The following KDM6B variants were observed in gnomAD, a reference collection of about 807,000 sequenced individuals.
KDM6B encodes lysine-specific demethylase 6B.
In KDM6B, 22 loss-of-function variants were observed where a neutral mutation model predicts 150.4. The ratio of observed to expected loss-of-function variants is 0.15; its 90% CI spans 0.10 to 0.21. The LOEUF is 0.21. Among genes scored for constraint, KDM6B ranks in the 10% least tolerant of loss-of-function variants. The pLI is 1.00. For missense variants in KDM6B, 1,984 were observed against 2,234.3 expected (o/e 0.89, Z 2.26); for synonymous variants, 1,148 against 921.1 (o/e 1.25, Z -4.46).
chr17:7,848,636 A>G lies in KDM6B; in HGVS notation c.2348A>G (p.Lys783Arg). Residue 783 changes from lysine to arginine, a missense_variant, in exon 12 of 24, where the codon AAG becomes AGG. Transcript: ENST00000448097. ...PALPPPPPLA[K>R]FPPPSQPQPP... is the part of the protein sequence containing the mutation. ...CTACCACCACCACCGCCTCTAGCCA[A>G]GTTCCCTCCACCCTCTCAGCCACAG... The G allele has an allele frequency of 6.2e-7, 1 of 1,600,032 alleles. No individual in the cohort carries two copies. The highest frequency in any genetic ancestry group is 8.5e-7 in the Non-Finnish European group (1 of 1,173,944).
rs756688051 is a variant in KDM6B at position 7,853,042 on chromosome 17, C to T, written c.4653C>T (p.Arg1551=). Residue 1551 remains arginine (R), a synonymous_variant, in exon 22 of 24, where the codon CGC becomes CGT. Transcript: ENST00000448097. ...LQSMKHCQVQ[R]ESLVRAGKKI... ...CCATGAAGCACTGCCAGGTGCAACGCGAGAGCCTGGTGCGGGCAGGGAAGA... is the reference window on the plus strand; with the variant it reads ...CCATGAAGCACTGCCAGGTGCAACGTGAGAGCCTGGTGCGGGCAGGGAAGA... 18 of 1,613,952 alleles carry T rather than the reference C, an allele frequency of 1.1e-5. No individual in the cohort carries two copies. Among genetic ancestry groups the T allele is most frequent in the Non-Finnish European group, 1.5e-5 (18 of 1,180,038 alleles).
At chr17:7,841,914 A>G (rs1009733695) in intron 2 of KDM6B, among the ~76,000 whole-genome samples, 8 of 152,178 alleles carry the variant, frequency 5.3e-5, no homozygotes, top group Non-Finnish European at 1.0e-4. Context: ...CCCCCAGGTA[A>G]GAAGCGAGCG....
chr17:7,849,736 G>A lies in KDM6B; in HGVS notation c.3440+8G>A, dbSNP rs143261559. 781 of 1,612,382 alleles carry A rather than the reference G, an allele frequency of 4.8e-4. 7 individuals carry two copies. In the African/African-American group the frequency reaches 8.9e-3, roughly 18 times the overall value. On this transcript the variant is annotated splice_region_variant and intron_variant, in intron 12 of 23. Transcript: ENST00000448097. Reference sequence around the variant, plus strand: ...CGTCGTGCGCGCCAGCAGGTGAGTCGGCTGCCTGCTTGCTTGTCCCGGAGA... The same window carrying A: ...CGTCGTGCGCGCCAGCAGGTGAGTCAGCTGCCTGCTTGCTTGTCCCGGAGA...
At chr17:7,845,755 T>G in intron 5 of KDM6B, 64 bp downstream of exon 5, 1 of 1,611,128 alleles carries the variant, frequency 6.2e-7, no homozygotes, top group South Asian at 1.1e-5. Flanking sequence ...CCTCAATCTG[T>G]GTCATTCTCC....
chr17:7,852,077 C>G lies in KDM6B; in HGVS notation c.4280+12C>G, dbSNP rs1185364925. The G allele has an allele frequency of 1.2e-5, 19 of 1,613,814 alleles. No homozygotes were observed. The highest frequency in any genetic ancestry group is 1.5e-5 in the Non-Finnish European group (18 of 1,179,834). ...GCTTTCTGTGATCGGTGCGTGCCGT[C>G]CTGCGCAAGTCAGACTGCCGCGTCC... On this transcript the variant is annotated intron_variant, in intron 19 of 23. Transcript: ENST00000448097.
In KDM6B at chr17:7,849,494, T is replaced by C; in HGVS notation, c.3206T>C (p.Val1069Ala). ...SAQPTPPSASVPGKKAREEAP... is the reference protein window; with the variant it reads ...SAQPTPPSASAPGKKAREEAP... ...CAGCCCACACCCCCGTCAGCCTCTG[T>C]CCCTGGAAAGAAGGCTCGGGAGGAA... is the stretch of plus-strand genomic sequence containing the variant. Residue 1069 changes from valine (V) to alanine (A), a missense_variant, in exon 12 of 24, where the codon GTC becomes GCC. Physicochemically the swap from Val to Ala is moderately conservative, Grantham distance 64. This residue lies in a region of KDM6B where 1,379 missense variants were observed against 1,275.6 expected (regional missense o/e 1.08). Transcript: ENST00000448097. 2.5e-6 allele frequency: 4 copies of C among 1,612,794 alleles called. No homozygotes were observed. Among genetic ancestry groups the C allele is most frequent in the Non-Finnish European group, 3.4e-6 (4 of 1,179,910 alleles).
At chr17:7,851,921 A>G (rs747953936) in intron 18 of KDM6B, 30 bp from the exon 19 acceptor site, 5 of 1,610,664 alleles carry the variant, frequency 3.1e-6, no homozygotes, top group Admixed American at 3.3e-5. Flanking sequence ...CGACCTGGCC[A>G]GCCATGCCGT....
At chr17:7,850,276 C>T (rs2078665092) in intron 14 of KDM6B, 99 bp downstream of exon 14, 7 of 934,088 alleles carry the variant, frequency 7.5e-6, no homozygotes, top group Admixed American at 6.5e-5. Flanking sequence ...ATGACAGTGG[C>T]CGTGAGGAGT....
At chr17:7,835,489 G>C (rs12937625) in intron 1 of KDM6B, among the ~76,000 whole-genome samples, 147,830 of 151,932 alleles carry the variant, frequency 0.97, 72,063 homozygotes, top group East Asian at 1. Context: ...GCGCAGCGTT[G>C]ACCTCGGCTC....
intron 7 of KDM6B, 27 bp from the exon 8 acceptor site, chr17:7,846,373 C>CGGG: frequency 3.8e-6 from 2 of 520,092 alleles, no homozygotes; most frequent in Non-Finnish European, 7.5e-6. Context: ...TGACATCTGC[C>CGGG]CCTGCCCCGT....
intron 1 of KDM6B, among the ~76,000 whole-genome samples, chr17:7,835,223 T>G (rs546932627): frequency 3.4e-4 from 51 of 151,884 alleles, no homozygotes; most frequent in Non-Finnish European, 6.5e-4. Context: ...CTCTCCCGGC[T>G]GGGGTAAATA....
Position 7,852,550 on chromosome 17 carries a change from C to T in KDM6B, c.4524C>T (p.Val1508=), listed in dbSNP as rs774204081. ...ERYEWNEVKN[V]KSIVPMIHVS... is the part of the protein sequence containing the mutation. ...ACGAGTGGAATGAGGTGAAGAACGT[C>T]AAATCCATCGTGCCCATGATTCACG... The change falls in exon 21 of 24, where the codon GTC becomes GTT. Residue 1508 remains valine (V), a synonymous_variant. Transcript: ENST00000448097. The T allele has an allele frequency of 1.9e-6, 3 of 1,614,134 alleles. No homozygotes were observed. The highest frequency in any genetic ancestry group is 2.5e-6 in the Non-Finnish European group (3 of 1,180,028).
chr17:7,845,489 T>G, intron 4 of KDM6B, 33 bp downstream of exon 4: 4 of 1,602,422 alleles, frequency 2.5e-6, no homozygotes, highest in Non-Finnish European at 3.4e-6. Flanking sequence ...GCTGGCTGGA[T>G]GTACACTGGC....
chr17:7,847,709 C>T lies in KDM6B; in HGVS notation c.1421C>T (p.Pro474Leu), dbSNP rs1382502701. The T allele has an allele frequency of 6.7e-6, 9 of 1,348,604 alleles. No homozygotes were observed. Among genetic ancestry groups the T allele is most frequent in the South Asian group, 1.2e-5 (1 of 80,540 alleles). 83.5% of individuals were successfully genotyped at this position (1,348,604 alleles called of 1,614,324 possible). ...GPSSPPPPPC[P>L]RLLRPPPPPA... is the part of the protein sequence containing the mutation. ...TCCTCACCCCCTCCACCCCCCTGTC[C>T]CCGCCTCTTACGCCCCCCACCACCC... Residue 474 changes from proline (P) to leucine (L), a missense_variant, in exon 12 of 24, where the codon CCC becomes CTC. Transcript: ENST00000448097.
chr17:7,844,971 G>C lies in KDM6B; in HGVS notation c.-198G>C, dbSNP rs2078501220. ...AGAGAGGAAGTCCTGTGATTGGCCAGATCTCTGGAGCTTGCCGACGCGGTG... is the reference window on the plus strand; with the variant it reads ...AGAGAGGAAGTCCTGTGATTGGCCACATCTCTGGAGCTTGCCGACGCGGTG... On this transcript the variant is annotated 5_prime_UTR_variant, in exon 3 of 24. Coordinates refer to ENST00000448097, the MANE Select transcript of KDM6B (RefSeq NM_001348716.2). The surrounding 1 kb of genome is among the most constrained non-coding windows in gnomAD (Gnocchi z 5.9). 2 of 179,656 alleles carry C rather than the reference G, an allele frequency of 1.1e-5. No individual in the cohort carries two copies. Among genetic ancestry groups the C allele is most frequent in the South Asian group, 2.0e-4 (2 of 10,148 alleles). The allele number at this position is 179,656 out of a possible 1,614,324, so 11.1% of individuals were successfully genotyped here.
Position 7,847,270 on chromosome 17 carries a change from G to A in KDM6B, c.1075G>A (p.Asp359Asn). Residue 359 changes from aspartate (D) to asparagine (N), a missense_variant, in exon 11 of 24, where the codon GAC (aspartate) becomes AAC (asparagine). By Grantham distance (23) the Asp-to-Asn change is conservative. Coordinates refer to ENST00000448097, the MANE Select transcript of KDM6B (RefSeq NM_001348716.2). Reference protein sequence around the residue: ...CLPATRPPGSDLRESRVQRSR... With the variant: ...CLPATRPPGSNLRESRVQRSR... ...GCCTGCCACCCGTCCCCCCGGAAGT[G>A]ACCTTAGAGAGAGCAGAGTTCAGAG... 1 of 1,604,386 alleles carries A rather than the reference G, an allele frequency of 6.2e-7. No individual in the cohort carries two copies. The highest frequency in any genetic ancestry group is 1.1e-5 in the South Asian group (1 of 91,070).
chr17:7,852,870 T>G, intron 21 of KDM6B, 130 bp from the exon 22 acceptor site: 1 of 1,352,928 alleles, frequency 7.4e-7, no homozygotes, highest in Non-Finnish European at 1.0e-6. Context: ...ACAGAGGATG[T>G]GACCTAGACA....
chr17:7,852,438 G>A (rs1295043121), intron 20 of KDM6B, 57 bp from the exon 21 acceptor site: 1 of 1,289,940 alleles, frequency 7.8e-7, no homozygotes, highest in Non-Finnish European at 1.1e-6. Flanking sequence ...AAGGGGCTTG[G>A]GCCTAGGTGT....
In KDM6B at chr17:7,847,384, A is replaced by C. The variant is rs763457879; in HGVS notation, c.1189A>C (p.Thr397Pro). The change falls in exon 11 of 24, where the codon ACC becomes CCC. Residue 397 changes from threonine (T) to proline (P), a missense_variant. Thr to Pro is a conservative substitution (Grantham distance 38). Transcript: ENST00000448097. ...CCGGCCCCCTGGCCTCCCCGGCACC[A>C]CCACCAGCAGCAGCAGTAGCAGCAG... ...PSRPPGLPGT[T>P]TSSSSSSSSN... The C allele has an allele frequency of 6.2e-7, 1 of 1,613,124 alleles. No homozygotes were observed. The highest frequency in any genetic ancestry group is 8.5e-7 in the Non-Finnish European group (1 of 1,179,954).
Sources: gnomAD v4.1 joint callset for allele counts (sites outside exome capture counted in the v4.1 genomes callset) on GRCh38, gnomAD v4.1.1 for gene constraint, gnomAD v4.1.1 regional missense constraint, Gnocchi (gnomAD v3.1) non-coding constraint, MANE v1.5 for transcripts, NCBI Gene and HGNC (gene_info 2026-07-23, HGNC 2026-07-21) for gene names.